The following IGFL2 variants were observed in gnomAD, a reference collection of about 807,000 sequenced individuals.
The protein encoded by IGFL2 is IGF like family member 2.
In IGFL2, 7 loss-of-function variants were observed where a neutral mutation model predicts 13.9. That is an observed-to-expected ratio of 0.51 (90% confidence interval 0.29 to 0.95). The LOEUF is 0.95. Ranked by LOEUF, IGFL2 falls within the 40% of genes least tolerant of loss-of-function variation. The pLI is 0.08. For missense variants in IGFL2, 138 were observed against 147.8 expected (o/e 0.93, Z 0.34); for synonymous variants, 55 against 55.8 (o/e 0.99, Z 0.07).
At chr19:46,153,036 A>G (rs1242196215) in intron 1 of IGFL2, among the ~76,000 whole-genome samples, 2 of 152,182 alleles carry the variant, frequency 1.3e-5, no homozygotes, top group Non-Finnish European at 2.9e-5. Context: ...GTCATGGCGT[A>G]TCGTTCTTTA....
At chr19:46,121,521 T>A in the IGFL2 span, among the ~76,000 whole-genome samples, 1 of 150,402 alleles carries the variant, frequency 6.6e-6, no homozygotes, top group Non-Finnish European at 1.5e-5. Flanking sequence ...AGGAGTAGTA[T>A]TTTCTCTCAG....
At chr19:46,174,338 C>T in the IGFL2 span, among the ~76,000 whole-genome samples, 3 of 152,172 alleles carry the variant, frequency 2.0e-5, no homozygotes, top group South Asian at 2.1e-4. Flanking sequence ...GCAGGGGACC[C>T]GCCCTTGTGG....
At chr19:46,178,420 A>G in the IGFL2 span, among the ~76,000 whole-genome samples, 1 of 152,230 alleles carries the variant, frequency 6.6e-6, no homozygotes, top group African/African-American at 2.4e-5. Flanking sequence ...GCCCCAAAAT[A>G]TAATTCTTTG....
the IGFL2 span, among the ~76,000 whole-genome samples, chr19:46,114,301 A>G: frequency 6.6e-6 from 1 of 152,198 alleles, no homozygotes; most frequent in Admixed American, 6.5e-5. Flanking sequence ...CCAATCAGGG[A>G]ACATGCGAAA....
the IGFL2 span, among the ~76,000 whole-genome samples, chr19:46,132,847 A>G: frequency 6.6e-6 from 1 of 152,180 alleles, no homozygotes; most frequent in African/African-American, 2.4e-5. Context: ...ACTCTGTCCC[A>G]CTGCCTGCTG....
At chr19:46,149,311 C>CCCCCT (rs1973342904) in intron 1 of IGFL2, among the ~76,000 whole-genome samples, 1 of 123,384 alleles carries the variant, frequency 8.1e-6, no homozygotes, top group Non-Finnish European at 1.7e-5. Flanking sequence ...CTCTCCCCCT[C>CCCCCT]CCCCTCCCCT....
At chr19:46,185,099 G>T in the IGFL2 span, among the ~76,000 whole-genome samples, 1 of 151,766 alleles carries the variant, frequency 6.6e-6, no homozygotes, top group Non-Finnish European at 1.5e-5. Flanking sequence ...GGGGTTTTTG[G>T]TTTTTTTTCT....
Position 46,160,745 on chromosome 19 carries a change from C to G in IGFL2, c.205C>G (p.Pro69Ala). The G allele has an allele frequency of 6.2e-7, 1 of 1,614,034 alleles. No homozygotes were observed. The highest frequency in any genetic ancestry group is 1.1e-5 in the South Asian group (1 of 91,070). ...SLSETRQCGP[P>A]CTFWPCFELC... ...GAGCGAGACCCGCCAATGTGGTCCC[C>G]CCTGCACCTTCTGGCCCTGCTTTGA... Residue 69 changes from proline to alanine, a missense_variant, in exon 3 of 4, where the codon CCC becomes GCC. By Grantham distance (27) the Pro-to-Ala change is conservative. Coordinates refer to ENST00000377693, the MANE Select transcript of IGFL2 (RefSeq NM_001135113.2).
At chr19:46,113,461 C>T in the IGFL2 span, 9 of 377,218 alleles carry the variant, frequency 2.4e-5, no homozygotes, top group South Asian at 4.1e-5. Flanking sequence ...TCCAGGATTA[C>T]GACAAAGAAG....
the IGFL2 span, among the ~76,000 whole-genome samples, chr19:46,084,725 G>A: frequency 6.6e-6 from 1 of 152,090 alleles, no homozygotes; most frequent in Admixed American, 6.5e-5. Context: ...ATCACCAAGG[G>A]ATGGCACTAA....
chr19:46,120,525 A>G, the IGFL2 span, among the ~76,000 whole-genome samples: 4 of 151,204 alleles, frequency 2.6e-5, no homozygotes, highest in South Asian at 8.3e-4. Flanking sequence ...GCAGGAAGAT[A>G]GGACACCACA....
the IGFL2 span, among the ~76,000 whole-genome samples, chr19:46,179,953 G>C: frequency 6.6e-6 from 1 of 152,030 alleles, no homozygotes; most frequent in Non-Finnish European, 1.5e-5. Context: ...CTATTGGTTG[G>C]GGGTGGCAGA....
the IGFL2 span, among the ~76,000 whole-genome samples, chr19:46,084,423 C>A: frequency 6.6e-6 from 1 of 152,194 alleles, no homozygotes; most frequent in African/African-American, 2.4e-5. Context: ...GCATTGCTCT[C>A]TCTCTTTACT....
chr19:46,107,326 G>A, the IGFL2 span, among the ~76,000 whole-genome samples: 1 of 152,352 alleles, frequency 6.6e-6, no homozygotes, highest in African/African-American at 2.4e-5. Context: ...ACTAAGCTGA[G>A]AAGATCTGGG....
At chr19:46,214,707 C>A in the IGFL2 span, 1 of 152,262 alleles carries the variant, frequency 6.6e-6, no homozygotes, top group East Asian at 1.9e-4. Context: ...GGGCCTTCGA[C>A]CTGGGGAGAG....
chr19:46,079,359 G>A, the IGFL2 span, among the ~76,000 whole-genome samples: 1 of 152,226 alleles, frequency 6.6e-6, no homozygotes, highest in Non-Finnish European at 1.5e-5. Flanking sequence ...CCTCGTGGGC[G>A]TCAGGCCTCA....
the IGFL2 span, chr19:46,137,531 T>C: frequency 9.3e-7 from 1 of 1,075,570 alleles, no homozygotes. Context: ...TGAAGGAAGG[T>C]CCAAGGGAAT....
At chr19:46,201,895 T>G in the IGFL2 span, among the ~76,000 whole-genome samples, 1 of 133,030 alleles carries the variant, frequency 7.5e-6, no homozygotes, top group East Asian at 2.1e-4. Context: ...GCCACCTCTC[T>G]AAGAGGAAAT....
At chr19:46,083,856 TC>T in the IGFL2 span, among the ~76,000 whole-genome samples, 1 of 152,216 alleles carries the variant, frequency 6.6e-6, no homozygotes, top group African/African-American at 2.4e-5. Context: ...CCTCTGATCC[TC>T]GGTTGTTTGG....
Sources: allele counts gnomAD v4.1 joint callset (sites outside exome capture counted in the v4.1 genomes callset), GRCh38; gene constraint gnomAD v4.1.1; transcripts MANE v1.5; gene names NCBI Gene and HGNC (gene_info 2026-07-23, HGNC 2026-07-21).